NEBL: variants seen among roughly 807,000 people sequenced by gnomAD.
The protein encoded by NEBL is nebulette.
A neutral mutation model predicts 140.2 loss-of-function variants in NEBL; 122 were observed. That is an observed-to-expected ratio of 0.87 (90% CI 0.75 to 1.01). The LOEUF is 1.01. Ranked by LOEUF, NEBL falls within the 50% of genes least tolerant of loss-of-function variation. The pLI is 0.00. For missense variants in NEBL, 1,365 were observed against 1,231.3 expected, an observed-to-expected ratio of 1.11 and a Z score of -1.62; for synonymous variants, 436 against 398.9, an observed-to-expected ratio of 1.09 and a Z score of -1.11.
chr10:21,173,845 C>T lies in NEBL; in HGVS notation c.-12G>A, dbSNP rs1841195828. On this transcript the variant is annotated 5_prime_UTR_variant, in exon 1 of 7. Coordinates refer to the NEBL transcript ENST00000417816. This position sits in a 1 kb window ranked among gnomAD's most constrained non-coding sequence, Gnocchi z 5.7. ...CACTGGGGGTTCATGATCGCGGTTCCCGGGGGCGGCGGCGGCGGCGGCTGC... is the reference window on the plus strand; with the variant it reads ...CACTGGGGGTTCATGATCGCGGTTCTCGGGGGCGGCGGCGGCGGCGGCTGC... 3 of 1,610,356 alleles carry T rather than the reference C, an allele frequency of 1.9e-6. No homozygotes were observed. Among genetic ancestry groups the T allele is most frequent in the Non-Finnish European group, 2.5e-6 (3 of 1,179,346 alleles).
At chr10:20,909,664 G>A (rs1306348932) in intron 4 of NEBL, among the ~76,000 whole-genome samples, 1 of 152,038 alleles carries the variant, frequency 6.6e-6, no homozygotes, top group Non-Finnish European at 1.5e-5. Context: ...ATACTATACA[G>A]TCTCTGATTT....
At position 21,013,841 on chromosome 10, in the gene NEBL, G is replaced by A. The variant is rs1307293600; in HGVS notation, c.249+6276C>T. On this transcript the variant is annotated intron_variant, in intron 3 of 6. Coordinates refer to the NEBL transcript ENST00000417816. ...TGCAGTGAACTGAGATCGTGCCACT[G>A]CACTCCAGCCTGGCAACAGAGTGAG... Among the ~76,000 whole-genome samples, 4 of 152,292 alleles carry A rather than the reference G, an allele frequency of 2.6e-5. No homozygotes were observed. The East Asian group carries it at 7.7e-4, about 29-fold the overall frequency.
intron 2 of NEBL, among the ~76,000 whole-genome samples, chr10:21,084,964 A>G (rs17813705): frequency 5.6e-4 from 85 of 152,316 alleles, no homozygotes; most frequent in Non-Finnish European, 1.0e-3. Flanking sequence ...AAAAGAGACC[A>G]GTGGGTTAGT....
chr10:21,077,699 G>A (rs1589212738), intron 2 of NEBL, among the ~76,000 whole-genome samples: 1 of 152,088 alleles, frequency 6.6e-6, no homozygotes, highest in Non-Finnish European at 1.5e-5. Flanking sequence ...ATGGTCTGTT[G>A]GTTCCTGATA....
chr10:20,856,227 G>T (rs137890117), intron 9 of NEBL, among the ~76,000 whole-genome samples: 1 of 152,134 alleles, frequency 6.6e-6, no homozygotes, highest in Non-Finnish European at 1.5e-5. Flanking sequence ...AATAAGTAAC[G>T]TATGACTTTG....
rs1341530652 is a variant in NEBL, at chr10:21,008,204, AAT to A, written c.249+11911_249+11912del. On this transcript the variant is annotated intron_variant, in intron 3 of 6. Coordinates refer to the NEBL transcript ENST00000417816. ...CATGCATATATTTATATGCATAATG[AAT>A]ATGTTTGCATATTGTATGCATATCT... Among the ~76,000 whole-genome samples the A allele has an allele frequency of 3.3e-5, 5 of 152,190 alleles. No homozygotes were observed. In the East Asian group the frequency reaches 9.6e-4, roughly 29 times the overall value.
chr10:20,850,171 A>G (rs1452045947), intron 11 of NEBL, among the ~76,000 whole-genome samples: 2 of 152,194 alleles, frequency 1.3e-5, no homozygotes, highest in African/African-American at 2.4e-5. Flanking sequence ...TTAAAAGCTC[A>G]TCTAGCTTGA....
chr10:21,267,000 A>T (rs184006061), intron 1 of NEBL, among the ~76,000 whole-genome samples: 61 of 151,388 alleles, frequency 4.0e-4, no homozygotes, highest in Non-Finnish European at 7.4e-4. Flanking sequence ...TTTCAGACGG[A>T]GTCTCACTCT....
chr10:21,098,866 C>T (rs1419874417), intron 2 of NEBL, among the ~76,000 whole-genome samples: 3 of 152,194 alleles, frequency 2.0e-5, no homozygotes, highest in Non-Finnish European at 4.4e-5. Context: ...TGGCGGCTCA[C>T]ACCTGTAATC....
chr10:20,828,803 A>C (rs1184893194), intron 16 of NEBL, among the ~76,000 whole-genome samples, 169 bp from the exon 17 acceptor site: 1 of 151,928 alleles, frequency 6.6e-6, no homozygotes, highest in African/African-American at 2.4e-5. Flanking sequence ...CAGAGATAGA[A>C]TGATACCATT....
chr10:21,259,218 G>C (rs1018760776), intron 1 of NEBL, among the ~76,000 whole-genome samples: 6 of 152,090 alleles, frequency 3.9e-5, no homozygotes, highest in Non-Finnish European at 8.8e-5. Flanking sequence ...CTCCCGAGCA[G>C]CTGGGATTAC....
At chr10:21,232,092 G>T (rs12414511) in intron 3 of NEBL, among the ~76,000 whole-genome samples, 2 of 152,036 alleles carry the variant, frequency 1.3e-5, no homozygotes, top group African/African-American at 4.8e-5. Context: ...CCTACGCTTC[G>T]AGAATAAACT....
chr10:21,075,516 CCA>C (rs1836023864), intron 2 of NEBL, among the ~76,000 whole-genome samples: 1 of 152,214 alleles, frequency 6.6e-6, no homozygotes, highest in Non-Finnish European at 1.5e-5. Flanking sequence ...CACCAACCTG[CCA>C]CAGTGAGGTG....
chr10:21,220,179 C>T (rs1842047486), intron 3 of NEBL, among the ~76,000 whole-genome samples: 1 of 152,168 alleles, frequency 6.6e-6, no homozygotes, highest in South Asian at 2.1e-4. Context: ...TCCCGAAGTG[C>T]TGGGATTACA....
At chr10:20,993,663 C>G (rs1032849671) in intron 3 of NEBL, among the ~76,000 whole-genome samples, 4 of 152,186 alleles carry the variant, frequency 2.6e-5, no homozygotes, top group Non-Finnish European at 5.9e-5. Flanking sequence ...CATGTTTGTT[C>G]AAAGCCCATT....
chr10:20,890,882 C>A (rs749456784), intron 2 of NEBL, among the ~76,000 whole-genome samples: 1 of 152,198 alleles, frequency 6.6e-6, no homozygotes, highest in Non-Finnish European at 1.5e-5. Context: ...TGAGAAGATG[C>A]AGGTAATTTG....
intron 3 of NEBL, among the ~76,000 whole-genome samples, chr10:21,181,720 G>A (rs1318331354): frequency 6.6e-6 from 1 of 152,182 alleles, no homozygotes; most frequent in Non-Finnish European, 1.5e-5. Flanking sequence ...TGCCCACAGA[G>A]CGTACTTTCC....
At chr10:20,833,014 C>G (rs894316192) in intron 14 of NEBL, among the ~76,000 whole-genome samples, 22 of 152,208 alleles carry the variant, frequency 1.4e-4, no homozygotes, top group African/African-American at 5.3e-4. Flanking sequence ...GCACTGATAA[C>G]AGACAGCCAC....
intron 3 of NEBL, among the ~76,000 whole-genome samples, chr10:21,019,618 A>G (rs774166953): frequency 6.6e-6 from 1 of 152,234 alleles, no homozygotes; most frequent in Non-Finnish European, 1.5e-5. Flanking sequence ...CCGGGAGCCA[A>G]TTGTGGTGTT....
Sources: allele counts gnomAD v4.1 joint callset (sites outside exome capture counted in the v4.1 genomes callset), GRCh38; gene constraint gnomAD v4.1.1; non-coding constraint Gnocchi (gnomAD v3.1); transcripts MANE v1.5; gene names NCBI Gene and HGNC (gene_info 2026-07-23, HGNC 2026-07-21).